BCAS3: variants seen among roughly 807,000 people sequenced by gnomAD.
BCAS3 encodes the protein BCAS3 microtubule associated cell migration factor.
In BCAS3, 53 loss-of-function variants were observed where a neutral mutation model predicts 116.1. The ratio of observed to expected loss-of-function variants is 0.46; its 90% CI spans 0.37 to 0.57. The LOEUF (loss-of-function observed/expected upper bound fraction) is 0.57. Ranked by LOEUF, BCAS3 falls within the 20% of genes least tolerant of loss-of-function variation. The pLI is 0.00. For missense variants in BCAS3, 917 were observed against 1,165.4 expected (o/e 0.79, Z 3.10); for synonymous variants, 391 against 408.2 (o/e 0.96, Z 0.51).
intron 9 of BCAS3, chr17:60,886,403 G>C (rs2056641189): frequency 6.6e-6 from 1 of 151,610 alleles, no homozygotes; most frequent in Non-Finnish European, 1.5e-5. Flanking sequence ...TCCTCCCGTA[G>C]CTCAGAGTAA....
At chr17:60,838,423 G>C (rs1208849753) in intron 7 of BCAS3, among the ~76,000 whole-genome samples, 1 of 151,934 alleles carries the variant, frequency 6.6e-6, no homozygotes, top group Non-Finnish European at 1.5e-5. Flanking sequence ...TGGGTGTGGG[G>C]AGTGAAGAGG....
At chr17:60,989,479 GT>G (rs11314373) in intron 14 of BCAS3, among the ~76,000 whole-genome samples, 16,099 of 134,824 alleles carry the variant, frequency 0.12, 2,445 homozygotes, top group African/African-American at 0.36. Flanking sequence ...AAATAAAGTT[GT>G]TTTTTTTTTT....
chr17:60,853,228 G>A (rs1175360921), intron 7 of BCAS3, among the ~76,000 whole-genome samples: 3 of 152,128 alleles, frequency 2.0e-5, no homozygotes, highest in Admixed American at 6.6e-5. Context: ...ATGAAACTGT[G>A]GAGACATTAA....
intron 7 of BCAS3, chr17:60,811,523 A>T: frequency 2.7e-6 from 1 of 366,060 alleles, no homozygotes. Context: ...TCAGAGGTAA[A>T]AAAAAAAAAG....
chr17:60,704,278 G>C (rs2036825147), intron 4 of BCAS3, among the ~76,000 whole-genome samples: 1 of 152,160 alleles, frequency 6.6e-6, no homozygotes, highest in South Asian at 2.1e-4. Context: ...TAGTAAGGAA[G>C]AGAAGTGCAC....
chr17:61,277,114 T>A (rs1383005722), intron 22 of BCAS3, among the ~76,000 whole-genome samples: 6 of 151,098 alleles, frequency 4.0e-5, no homozygotes, highest in East Asian at 3.9e-4. Context: ...AAAAAAAAAA[T>A]TTAGAGGGGC....
In BCAS3 at chr17:60,728,660, A is replaced by G. The variant is rs1379466719; in HGVS notation, c.322-18538A>G. Among the ~76,000 whole-genome samples the G allele has an allele frequency of 4.6e-5, 7 of 151,896 alleles. No individual in the cohort carries two copies. In the East Asian group the frequency reaches 5.8e-4, roughly 13 times the overall value. On this transcript the variant is annotated intron_variant, in intron 5 of 23. Transcript: ENST00000407086. Reference sequence around the variant, plus strand: ...ATGCCCAGCTAATTTTTGTACTTTTAGTAGAGACGGGGTTTCACCATGTTG... The same window carrying G: ...ATGCCCAGCTAATTTTTGTACTTTTGGTAGAGACGGGGTTTCACCATGTTG...
chr17:61,202,551 A>G (rs966599908), intron 22 of BCAS3, among the ~76,000 whole-genome samples: 3 of 149,894 alleles, frequency 2.0e-5, no homozygotes, highest in East Asian at 2.0e-4. Context: ...TTTTCTTCTT[A>G]TTTTACTTGT....
rs1456330254 is a variant in BCAS3 at position 61,233,455 on chromosome 17, T to C, written c.2426-134872T>C. On this transcript the variant is annotated intron_variant, in intron 22 of 23. Coordinates refer to ENST00000407086, the MANE Select transcript of BCAS3 (RefSeq NM_017679.5). This position sits in a 1 kb window ranked among gnomAD's most constrained non-coding sequence, Gnocchi z 4.3. The stretch of plus-strand genomic sequence containing the variant: ...TAAAAATGATTGTTAATTTGAGTTA[T>C]TGTGCTAAATATTTCTAAGAAATGC... Among the ~76,000 whole-genome samples the C allele has an allele frequency of 6.6e-6, 1 of 152,216 alleles. No individual in the cohort carries two copies. The highest frequency in any genetic ancestry group is 6.5e-5 in the Admixed American group (1 of 15,280).
intron 8 of BCAS3, among the ~76,000 whole-genome samples, chr17:60,872,791 A>G (rs1209458509): frequency 2.0e-5 from 3 of 150,634 alleles, no homozygotes; most frequent in African/African-American, 4.9e-5. Context: ...ATATATCTGT[A>G]TGTGTATATC....
intron 19 of BCAS3, among the ~76,000 whole-genome samples, chr17:61,045,222 A>T (rs1568207843): frequency 2.6e-5 from 4 of 151,982 alleles, no homozygotes. Context: ...ACAGTGGACT[A>T]CCTGGCCTGG....
intron 7 of BCAS3, among the ~76,000 whole-genome samples, chr17:60,811,952 C>A (rs1484852873): frequency 2.0e-5 from 3 of 151,818 alleles, no homozygotes; most frequent in African/African-American, 4.8e-5. Context: ...ACTTGGGAGG[C>A]TGAGGTGGGA....
chr17:60,778,830 GT>G (rs1317423242), intron 6 of BCAS3, among the ~76,000 whole-genome samples: 1 of 152,098 alleles, frequency 6.6e-6, no homozygotes, highest in Non-Finnish European at 1.5e-5. Flanking sequence ...TTGGTTGAGT[GT>G]TTTATTCATG....
In BCAS3 at chr17:61,087,900, C is replaced by CA. The variant is rs2073213111; in HGVS notation, c.2425+3337dup. 6.6e-6 allele frequency among the ~76,000 whole-genome samples: 1 copy of CA among 151,946 alleles called. No individual in the cohort carries two copies. The highest frequency in any genetic ancestry group is 1.5e-5 in the Non-Finnish European group (1 of 67,966). ...TTTGGTGATTCTAATGACACCATAC[C>CA]AGCTGGGCGCAGTGGATCACAACTA... On this transcript the variant is annotated intron_variant, in intron 22 of 23. Coordinates refer to ENST00000407086, the MANE Select transcript of BCAS3 (RefSeq NM_017679.5). This position sits in a 1 kb window ranked among gnomAD's most constrained non-coding sequence, Gnocchi z 4.6.
At chr17:60,984,040 G>C (rs995514424) in intron 14 of BCAS3, among the ~76,000 whole-genome samples, 1 of 152,144 alleles carries the variant, frequency 6.6e-6, no homozygotes, top group South Asian at 2.1e-4. Flanking sequence ...AACACTTCTG[G>C]AATAACTATT....
intron 22 of BCAS3, among the ~76,000 whole-genome samples, chr17:61,280,161 T>A (rs1047578525): frequency 6.6e-6 from 1 of 152,212 alleles, no homozygotes; most frequent in Non-Finnish European, 1.5e-5. Flanking sequence ...AGAGGAAGTA[T>A]TATGCCAAAG....
intron 9 of BCAS3, among the ~76,000 whole-genome samples, chr17:60,878,013 CTTTTTTTTTT>C (rs11345486): frequency 7.5e-6 from 1 of 132,560 alleles, no homozygotes; most frequent in Admixed American, 7.4e-5. Context: ...CTTTTTTTTT[CTTTTTTTTTT>C]TTTTGAGATG....
chr17:60,808,744 A>G (rs919184288), intron 7 of BCAS3, among the ~76,000 whole-genome samples: 2 of 152,230 alleles, frequency 1.3e-5, no homozygotes, highest in African/African-American at 4.8e-5. Flanking sequence ...CCAGAGACTT[A>G]TGAATGTGGC....
rs544949719 is a variant in BCAS3, at chr17:61,325,874, TTC to T, written c.2426-42448_2426-42447del. 9.8e-4 allele frequency among the ~76,000 whole-genome samples: 150 copies of T among 152,318 alleles called. 1 individual carries two copies. Among genetic ancestry groups the T allele is most frequent in the Admixed American group, 2.1e-3 (32 of 15,308 alleles). The stretch of plus-strand genomic sequence containing the variant: ...TCTGGGACCCAGTCATGCTGAATGT[TTC>T]TCTCACTAGAGACTCACTGTATCTG... On this transcript the variant is annotated intron_variant, in intron 22 of 23. Coordinates refer to ENST00000407086, the MANE Select transcript of BCAS3 (RefSeq NM_017679.5). This position sits in a 1 kb window ranked among gnomAD's most constrained non-coding sequence, Gnocchi z 6.4.
Sources: allele counts gnomAD v4.1 joint callset (sites outside exome capture counted in the v4.1 genomes callset), GRCh38; gene constraint gnomAD v4.1.1; non-coding constraint Gnocchi (gnomAD v3.1); transcripts MANE v1.5; gene names NCBI Gene and HGNC (gene_info 2026-07-23, HGNC 2026-07-21).